The following PEBP4 variants were observed in gnomAD, a reference collection of about 807,000 sequenced individuals.
The protein encoded by PEBP4 is phosphatidylethanolamine-binding protein 4.
PEBP4 carries 22 observed loss-of-function variants against 23.9 expected under a neutral mutation model. The observed-to-expected ratio is 0.92, with a 90% CI of 0.66 to 1.31. The LOEUF (loss-of-function observed/expected upper bound fraction) is 1.31, where lower values mean the gene tolerates loss of function less well. Among genes scored for constraint, PEBP4 ranks in the 40% most tolerant of loss-of-function variants. The pLI is 0.00. For synonymous variants in PEBP4, 112 were observed against 99.3 expected (o/e 1.13, Z -0.76); for missense variants, 324 against 281.7 (o/e 1.15, Z -1.07).
intron 4 of PEBP4, among the ~76,000 whole-genome samples, chr8:22,780,122 T>C (rs184298011): frequency 3.9e-4 from 60 of 152,078 alleles, no homozygotes; most frequent in African/African-American, 1.3e-3. Context: ...CACTATCACA[T>C]CCAGCTAATT....
chr8:22,909,084 T>C (rs1406130122), intron 3 of PEBP4, among the ~76,000 whole-genome samples: 1 of 152,198 alleles, frequency 6.6e-6, no homozygotes, highest in Non-Finnish European at 1.5e-5. Flanking sequence ...ACCTGCCCTC[T>C]GCAATGCCTT....
At chr8:22,809,251 A>G (rs1386859351) in intron 4 of PEBP4, among the ~76,000 whole-genome samples, 1 of 152,178 alleles carries the variant, frequency 6.6e-6, no homozygotes, top group African/African-American at 2.4e-5. Flanking sequence ...CAGACGAGGA[A>G]ACAGATTCAG....
chr8:22,762,499 A>G (rs1805528625), intron 4 of PEBP4, among the ~76,000 whole-genome samples: 1 of 152,170 alleles, frequency 6.6e-6, no homozygotes, highest in Admixed American at 6.5e-5. Context: ...AGAAAAAGCA[A>G]GGTCAATTTT....
chr8:22,851,581 G>T (rs752757411), intron 3 of PEBP4, among the ~76,000 whole-genome samples: 1 of 152,134 alleles, frequency 6.6e-6, no homozygotes, highest in Non-Finnish European at 1.5e-5. Context: ...CTCATGTTGC[G>T]GTGCTCTCCC....
At chr8:22,853,198 T>G (rs867035776) in intron 3 of PEBP4, among the ~76,000 whole-genome samples, 2 of 152,238 alleles carry the variant, frequency 1.3e-5, no homozygotes, top group African/African-American at 4.8e-5. Context: ...AGTTTGCTAC[T>G]GTTATGAATC....
chr8:22,742,221 T>C (rs1273341270), intron 4 of PEBP4, among the ~76,000 whole-genome samples: 3 of 152,246 alleles, frequency 2.0e-5, no homozygotes, highest in African/African-American at 7.2e-5. Context: ...GAGGCTGCTG[T>C]GCACACAAGC....
chr8:22,725,581 G>A (rs1478889439), intron 5 of PEBP4, among the ~76,000 whole-genome samples: 1 of 151,968 alleles, frequency 6.6e-6, no homozygotes, highest in Admixed American at 6.5e-5. Context: ...GGGAAGTGGG[G>A]TGGGGACATC....
intron 4 of PEBP4, among the ~76,000 whole-genome samples, chr8:22,732,817 G>T (rs1317258917): frequency 6.6e-6 from 1 of 152,118 alleles, no homozygotes; most frequent in African/African-American, 2.4e-5. Flanking sequence ...GGTGCTTCTG[G>T]GTTCCTAGAA....
intron 1 of PEBP4, among the ~76,000 whole-genome samples, chr8:22,938,914 G>A (rs771147777): frequency 1.3e-5 from 2 of 152,142 alleles, no homozygotes; most frequent in Non-Finnish European, 1.5e-5. Flanking sequence ...TATAAAAACC[G>A]TATGCTGTAA....
chr8:22,758,604 G>A (rs1445150606), intron 4 of PEBP4, among the ~76,000 whole-genome samples: 1 of 152,190 alleles, frequency 6.6e-6, no homozygotes, highest in African/African-American at 2.4e-5. Flanking sequence ...TATGCTGTTA[G>A]GCCACTCACT....
chr8:22,916,385 C>T (rs1032600591), intron 3 of PEBP4, among the ~76,000 whole-genome samples: 2 of 152,218 alleles, frequency 1.3e-5, no homozygotes, highest in Non-Finnish European at 2.9e-5. Context: ...ACACCTCTCT[C>T]GCTCAGCCAT....
chr8:22,921,305 C>A (rs941224409), intron 2 of PEBP4, among the ~76,000 whole-genome samples: 1 of 152,222 alleles, frequency 6.6e-6, no homozygotes, highest in African/African-American at 2.4e-5. Flanking sequence ...GGTCCCCAGC[C>A]TTTCCTAACA....
chr8:22,825,023 G>T (rs1376795151), intron 3 of PEBP4, among the ~76,000 whole-genome samples: 2 of 152,212 alleles, frequency 1.3e-5, no homozygotes, highest in Non-Finnish European at 2.9e-5. Flanking sequence ...TCTCCTCTCT[G>T]CTAAGCAGCC....
At chr8:22,777,410 G>T (rs1301555946) in intron 4 of PEBP4, among the ~76,000 whole-genome samples, 1 of 152,180 alleles carries the variant, frequency 6.6e-6, no homozygotes, top group Non-Finnish European at 1.5e-5. Context: ...CTGGGCTGGA[G>T]CCCAGGGTGG....
chr8:22,917,238 C>T (rs1159583892), intron 3 of PEBP4, among the ~76,000 whole-genome samples: 1 of 152,126 alleles, frequency 6.6e-6, no homozygotes, highest in Non-Finnish European at 1.5e-5. Context: ...CAACTCGTGC[C>T]CTTCTCCATC....
chr8:22,795,919 A>C (rs1178939064), intron 4 of PEBP4, among the ~76,000 whole-genome samples: 1 of 152,228 alleles, frequency 6.6e-6, no homozygotes, highest in East Asian at 1.9e-4. Flanking sequence ...TAAGTGTCAA[A>C]GACATTTTAG....
At chr8:22,899,107 G>A (rs1167254127) in intron 3 of PEBP4, among the ~76,000 whole-genome samples, 4 of 152,196 alleles carry the variant, frequency 2.6e-5, no homozygotes, top group Non-Finnish European at 2.9e-5. Flanking sequence ...TTCTTCATCT[G>A]GAAAATGGGG....
At chr8:22,829,065 G>A (rs553143955) in intron 3 of PEBP4, among the ~76,000 whole-genome samples, 217 of 152,304 alleles carry the variant, frequency 1.4e-3, no homozygotes, top group Non-Finnish European at 2.3e-3. Flanking sequence ...GCCCATCAGT[G>A]GGAGCTGATA....
At chr8:22,810,414 C>T (rs1397401799) in intron 4 of PEBP4, among the ~76,000 whole-genome samples, 3 of 152,144 alleles carry the variant, frequency 2.0e-5, no homozygotes. Flanking sequence ...CACCCTTCTC[C>T]CTCTCCCCTC....
Sources: allele counts gnomAD v4.1 joint callset (sites outside exome capture counted in the v4.1 genomes callset), GRCh38; gene constraint gnomAD v4.1.1; transcripts MANE v1.5; gene names NCBI Gene and HGNC (gene_info 2026-07-23, HGNC 2026-07-21).